EDNRB: variants seen among roughly 807,000 people sequenced by gnomAD.
The protein encoded by EDNRB is Hirschsprung disease 2.
A neutral mutation model predicts 46.4 loss-of-function variants in EDNRB; 18 were observed. The observed-to-expected ratio is 0.39, with a 90% CI of 0.27 to 0.57. The LOEUF is 0.57. Ranked by LOEUF, EDNRB falls within the 20% of genes least tolerant of loss-of-function variation. The probability of loss-of-function intolerance (pLI) is 0.61; values close to 1 mark genes in which losing one functional copy is unlikely to be tolerated. For synonymous variants in EDNRB, 213 were observed against 204.9 expected, an observed-to-expected ratio of 1.04 and a Z score of -0.34; for missense variants, 434 against 537.5, an observed-to-expected ratio of 0.81 and a Z score of 1.90.
rs559872856 is a variant in EDNRB at position 77,932,408 on chromosome 13, C to A, written c.-51-13784G>T. ...TTTAAAACAATAATGGTAGAAGTGG[C>A]TTCCATCTATTGAGATCTCAATGAT... On this transcript the variant is annotated intron_variant, in intron 1 of 7. Coordinates refer to the EDNRB transcript ENST00000646948. 8.5e-5 allele frequency among the ~76,000 whole-genome samples: 13 copies of A among 152,312 alleles called. No homozygotes were observed. The South Asian group carries it at 2.7e-3, about 32-fold the overall frequency.
chr13:77,899,549 A>C (rs763108043), intron 6 of EDNRB: 8 of 282,206 alleles, frequency 2.8e-5, no homozygotes, highest in Non-Finnish European at 4.8e-5. Flanking sequence ...ATTCATGTTT[A>C]GCCCTTATTT....
intron 1 of EDNRB, among the ~76,000 whole-genome samples, chr13:77,932,717 A>G (rs1191954214): frequency 1.3e-5 from 2 of 152,216 alleles, no homozygotes; most frequent in Admixed American, 1.3e-4. Flanking sequence ...TTTGAAAAGG[A>G]CTATAAATAA....
At position 77,897,527 on chromosome 13, in the gene EDNRB, G is replaced by A. The variant is rs201997093; in HGVS notation, c.*673C>T. The A allele has an allele frequency of 1.0e-6, 1 of 982,052 alleles. No individual in the cohort carries two copies. Among genetic ancestry groups the A allele is most frequent in the African/African-American group, 1.7e-5 (1 of 57,234 alleles). 60.8% of individuals were successfully genotyped at this position (982,052 alleles called of 1,614,324 possible). On this transcript the variant is annotated 3_prime_UTR_variant, in exon 7 of 7. Transcript: ENST00000646607. ...CACATGTGCCAGTCTGTTACATGCTGCTTGTTTGTGACATGTTGGTTACAT... is the reference window on the plus strand; with the variant it reads ...CACATGTGCCAGTCTGTTACATGCTACTTGTTTGTGACATGTTGGTTACAT...
chr13:77,975,347 C>T lies in EDNRB; in HGVS notation c.-52G>A, dbSNP rs1024731982. 3.3e-5 allele frequency: 5 copies of T among 152,332 alleles called. No individual in the cohort carries two copies. The highest frequency in any genetic ancestry group is 5.9e-5 in the Non-Finnish European group (4 of 68,140). The allele number at this position is 152,332 out of a possible 1,614,324, so 9.4% of individuals were successfully genotyped here. ...GGCAAGTTCCAAAGACTAGTCTTAC[C>T]AAGTTTCAGATGTCCAGACTCCAAG... is the stretch of plus-strand genomic sequence containing the variant. On this transcript the variant is annotated splice_region_variant and 5_prime_UTR_variant, in exon 1 of 8. Transcript: ENST00000646948.
At chr13:77,965,244 G>A (rs1032959941) in intron 1 of EDNRB, among the ~76,000 whole-genome samples, 7 of 152,152 alleles carry the variant, frequency 4.6e-5, no homozygotes, top group African/African-American at 1.7e-4. Context: ...ACTATTAGCT[G>A]TAGCTGTGCA....
At chr13:77,938,767 A>G (rs1476899121) in intron 1 of EDNRB, among the ~76,000 whole-genome samples, 2 of 152,188 alleles carry the variant, frequency 1.3e-5, no homozygotes, top group African/African-American at 2.4e-5. Context: ...ACCAAGATTG[A>G]AAGGAGAAAG....
chr13:77,939,464 CAT>C (rs1358324500), intron 1 of EDNRB: 3 of 152,148 alleles, frequency 2.0e-5, no homozygotes, highest in African/African-American at 7.2e-5. Flanking sequence ...TTAGTGTTGT[CAT>C]GTGTGTATTT....
At chr13:77,919,858 C>T (rs1413002546), upstream of EDNRB, 1 of 502,088 alleles carries the variant, frequency 2.0e-6, no homozygotes, top group Non-Finnish European at 3.6e-6. Flanking sequence ...CAGACTAGAA[C>T]AAGGCTCTGC....
In EDNRB at chr13:77,896,811, C is replaced by T. The variant is rs1340441986; in HGVS notation, c.*1389G>A. 2.5e-6 allele frequency: 3 copies of T among 1,210,528 alleles called. No individual in the cohort carries two copies. The highest frequency in any genetic ancestry group is 3.1e-6 in the Non-Finnish European group (3 of 971,614). The allele number at this position is 1,210,528 out of a possible 1,614,324, so 75.0% of individuals were successfully genotyped here. On this transcript the variant is annotated 3_prime_UTR_variant, in exon 7 of 7. Coordinates refer to ENST00000646607, the MANE Select transcript of EDNRB (RefSeq NM_001122659.3). The stretch of plus-strand genomic sequence containing the variant: ...CCGTTTTCTCTTGTACATACTTTCA[C>T]ACACATCTCATCCCAAGCTATCCTA...
chr13:77,931,759 AAC>A (rs1363756713), intron 1 of EDNRB, among the ~76,000 whole-genome samples: 3 of 132,624 alleles, frequency 2.3e-5, no homozygotes, highest in Admixed American at 7.7e-5. Context: ...AAAAAAAAAA[AAC>A]AAAAAAAAAA....
chr13:77,965,523 T>C (rs1443032639), intron 1 of EDNRB, among the ~76,000 whole-genome samples: 9 of 152,164 alleles, frequency 5.9e-5, no homozygotes, highest in Admixed American at 1.3e-4. Flanking sequence ...TAAATGTAAT[T>C]CTGTTATTGT....
chr13:77,966,958 A>G (rs190892128), intron 1 of EDNRB, among the ~76,000 whole-genome samples: 4 of 152,326 alleles, frequency 2.6e-5, no homozygotes, highest in East Asian at 1.9e-4. Flanking sequence ...GAAATCCTCT[A>G]AATAACCCAT....
chr13:77,915,237 G>A (rs1879751441), intron 1 of EDNRB, among the ~76,000 whole-genome samples: 1 of 152,102 alleles, frequency 6.6e-6, no homozygotes, highest in African/African-American at 2.4e-5. Context: ...GGTAAATTAA[G>A]CCATTAGAAT....
At chr13:77,936,977 GTTGA>G (rs1421619306) in intron 1 of EDNRB, among the ~76,000 whole-genome samples, 1 of 152,098 alleles carries the variant, frequency 6.6e-6, no homozygotes, top group African/African-American at 2.4e-5. Context: ...TGAAGGCGAG[GTTGA>G]TTAATTCCTG....
intron 1 of EDNRB, among the ~76,000 whole-genome samples, chr13:77,963,924 G>GA (rs1177877777): frequency 6.6e-6 from 1 of 151,980 alleles, no homozygotes; most frequent in Admixed American, 6.6e-5. Flanking sequence ...AAATTTACAA[G>GA]AAAAAAACAA....
At chr13:77,967,201 A>T (rs1881606976) in intron 1 of EDNRB, among the ~76,000 whole-genome samples, 2 of 152,162 alleles carry the variant, frequency 1.3e-5, no homozygotes, top group South Asian at 4.1e-4. Flanking sequence ...AGGAAAAAGA[A>T]ATGTGGAAGA....
chr13:77,951,971 T>C (rs1881105695), intron 1 of EDNRB, among the ~76,000 whole-genome samples: 1 of 152,134 alleles, frequency 6.6e-6, no homozygotes, highest in Admixed American at 6.6e-5. Flanking sequence ...GCCAGAAATA[T>C]GTTACCGGAC....
intron 1 of EDNRB, among the ~76,000 whole-genome samples, chr13:77,940,502 A>T (rs1022790878): frequency 3.9e-5 from 6 of 152,154 alleles, no homozygotes; most frequent in African/African-American, 1.4e-4. Flanking sequence ...GAATGCCTGG[A>T]ATGGCAACTA....
chr13:77,956,233 T>C (rs1250092814), intron 1 of EDNRB, among the ~76,000 whole-genome samples: 1 of 152,204 alleles, frequency 6.6e-6, no homozygotes, highest in East Asian at 1.9e-4. Flanking sequence ...GTGAATATGT[T>C]CACCCTCTTG....
Sources: allele counts gnomAD v4.1 joint callset (sites outside exome capture counted in the v4.1 genomes callset), GRCh38; gene constraint gnomAD v4.1.1; transcripts MANE v1.5; gene names NCBI Gene and HGNC (gene_info 2026-07-23, HGNC 2026-07-21).